PCDHGB7: variants seen among roughly 807,000 people sequenced by gnomAD.
PCDHGB7 encodes the protein protocadherin gamma subfamily B, 7.
In PCDHGB7, 37 loss-of-function variants were observed where a neutral mutation model predicts 61.4. That is an observed-to-expected ratio of 0.60 (90% CI 0.46 to 0.79). PCDHGB7 has a LOEUF of 0.79. PCDHGB7 is among the 30% of genes least tolerant of loss of function. PCDHGB7 has a pLI of 0.00. For missense variants in PCDHGB7, 1,166 were observed against 1,202.5 expected (o/e 0.97, Z 0.45); for synonymous variants, 464 against 503.5 (o/e 0.92, Z 1.05).
chr5:141,487,577 C>A lies in PCDHGB7; in HGVS notation c.2416-7230C>A. 1.2e-6 allele frequency: 2 copies of A among 1,614,150 alleles called. No individual in the cohort carries two copies. Among genetic ancestry groups the A allele is most frequent in the Non-Finnish European group, 1.7e-6 (2 of 1,180,024 alleles). ...ACCTATGGCAGGGGAGCCTGTTCGC[C>A]CAAGCTGCCCACCCTCTGATCTTCT... On this transcript the variant is annotated intron_variant, in intron 1 of 3. Coordinates refer to ENST00000398594, the MANE Select transcript of PCDHGB7 (RefSeq NM_018927.4). The surrounding 1 kb of genome is among the most constrained non-coding windows in gnomAD (Gnocchi z 5.0).
chr5:141,456,554 G>A (rs1003323522), intron 1 of PCDHGB7, among the ~76,000 whole-genome samples: 2 of 152,202 alleles, frequency 1.3e-5, no homozygotes, highest in Non-Finnish European at 2.9e-5. Flanking sequence ...GCCACTCGGG[G>A]CTGAAGCCCA....
At chr5:141,463,335 A>G (rs565781645) in intron 1 of PCDHGB7, among the ~76,000 whole-genome samples, 3 of 149,628 alleles carry the variant, frequency 2.0e-5, no homozygotes, top group South Asian at 2.1e-4. Context: ...CAGCAAAACC[A>G]TGGTGTTATT....
intron 3 of PCDHGB7, 137 bp from the exon 4 acceptor site, chr5:141,510,810 A>T: frequency 6.6e-7 from 1 of 1,519,768 alleles, no homozygotes; most frequent in African/African-American, 1.4e-5. Context: ...TACCTTGGTG[A>T]CCCCTATATT....
At position 141,469,759 on chromosome 5, in the gene PCDHGB7, T is replaced by C. The variant is rs192437401; in HGVS notation, c.2416-25048T>C. On this transcript the variant is annotated intron_variant, in intron 1 of 3. Coordinates refer to ENST00000398594, the MANE Select transcript of PCDHGB7 (RefSeq NM_018927.4). ...ACCTCAAAAATTACAAAAATACATATATACCAGCTTATTTATTACAGCGTT... is the reference window on the plus strand; with the variant it reads ...ACCTCAAAAATTACAAAAATACATACATACCAGCTTATTTATTACAGCGTT... 3.9e-3 allele frequency among the ~76,000 whole-genome samples: 591 copies of C among 152,310 alleles called. 6 individuals are homozygous for C. Among genetic ancestry groups the C allele is most frequent in the Admixed American group, 0.011 (171 of 15,298 alleles).
intron 2 of PCDHGB7, among the ~76,000 whole-genome samples, chr5:141,496,008 C>CT (rs1468405718): frequency 2.0e-5 from 3 of 151,956 alleles, no homozygotes; most frequent in Non-Finnish European, 4.4e-5. Flanking sequence ...TTTATCTTGT[C>CT]TTTTTTCTCT....
chr5:141,434,517 G>A (rs1476955199), intron 1 of PCDHGB7, among the ~76,000 whole-genome samples: 1 of 152,212 alleles, frequency 6.6e-6, no homozygotes, highest in East Asian at 1.9e-4. Context: ...GCTTAAAGGT[G>A]TTCTTAAACC....
chr5:141,494,491 T>C (rs2099754727), intron 1 of PCDHGB7, among the ~76,000 whole-genome samples: 1 of 152,150 alleles, frequency 6.6e-6, no homozygotes, highest in Admixed American at 6.5e-5. Context: ...AGAAGATGCC[T>C]TCAGTCCTTG....
Position 141,476,570 on chromosome 5 carries a change from A to G in PCDHGB7, c.2416-18237A>G. ...GATTAGCGAGGCCGTGGCTCCGGGG[A>G]CGCGCTTTCCGCTCGAGAGCGCGCA... On this transcript the variant is annotated intron_variant, in intron 1 of 3. Transcript: ENST00000398594. The surrounding 1 kb of genome is among the most constrained non-coding windows in gnomAD (Gnocchi z 7.6). 3 of 1,614,114 alleles carry G rather than the reference A, an allele frequency of 1.9e-6. No individual in the cohort carries two copies. The highest frequency in any genetic ancestry group is 2.5e-6 in the Non-Finnish European group (3 of 1,180,012).
At chr5:141,426,810 C>T (rs769435523) in intron 1 of PCDHGB7, 4 of 456,568 alleles carry the variant, frequency 8.8e-6, no homozygotes, top group Non-Finnish European at 1.8e-5. Flanking sequence ...TTCTAATGAA[C>T]ATTTCTCTCT....
Position 141,422,132 on chromosome 5 carries a change from T to C in PCDHGB7, c.2415+1858T>C, listed in dbSNP as rs768931697. ...CAATTGGATTCACAAACTGGAGAAG[T>C]TCAAGTACGGGGGTCTCTGGATTTT... On this transcript the variant is annotated intron_variant, in intron 1 of 3. Coordinates refer to ENST00000398594, the MANE Select transcript of PCDHGB7 (RefSeq NM_018927.4). The C allele has an allele frequency of 1.2e-5, 19 of 1,598,396 alleles. No individual in the cohort carries two copies. In the South Asian group the frequency reaches 2.0e-4, roughly 17 times the overall value.
chr5:141,444,565 C>G (rs2098441175), intron 1 of PCDHGB7, among the ~76,000 whole-genome samples: 1 of 152,124 alleles, frequency 6.6e-6, no homozygotes, highest in Non-Finnish European at 1.5e-5. Flanking sequence ...TTATTTGACA[C>G]TTTTGACTCT....
intron 1 of PCDHGB7, chr5:141,427,870 C>A (rs773176633): frequency 3.2e-6 from 5 of 1,558,750 alleles, no homozygotes; most frequent in Non-Finnish European, 4.4e-6. Context: ...TTCGAGCTCA[C>A]GATGCAGGCC....
intron 3 of PCDHGB7, among the ~76,000 whole-genome samples, chr5:141,510,624 A>C (rs2099881973): frequency 6.6e-6 from 1 of 152,164 alleles, no homozygotes; most frequent in African/African-American, 2.4e-5. Flanking sequence ...TAAAACCAGA[A>C]GAGGTGGTTA....
At position 141,421,915 on chromosome 5, in the gene PCDHGB7, C is replaced by T. The variant is rs751221129; in HGVS notation, c.2415+1641C>T. ...CATCCGAAAGGGCGCAGTTCCCATT[C>T]GTGTGGTGGTCCTCGATGTAAATGA... is the stretch of plus-strand genomic sequence containing the variant. On this transcript the variant is annotated intron_variant, in intron 1 of 3. Transcript: ENST00000398594. 18 of 1,613,504 alleles carry T rather than the reference C, an allele frequency of 1.1e-5. No individual in the cohort carries two copies. The South Asian group carries it at 1.5e-4, about 14-fold the overall frequency.
In PCDHGB7 at chr5:141,487,087, C is replaced by G. The variant is rs752261507; in HGVS notation, c.2416-7720C>G. 1.2e-6 allele frequency: 2 copies of G among 1,613,890 alleles called. No homozygotes were observed. Among genetic ancestry groups the G allele is most frequent in the Non-Finnish European group, 1.7e-6 (2 of 1,179,804 alleles). ...CGGCTGTTCCTATCCCAGCTGACCT[C>G]CCACCACAGAAGCTGGTCATTGTGG... On this transcript the variant is annotated intron_variant, in intron 1 of 3. Transcript: ENST00000398594. The surrounding 1 kb of genome is among the most constrained non-coding windows in gnomAD (Gnocchi z 5.0).
At chr5:141,481,919 A>C (rs1488201177) in intron 1 of PCDHGB7, among the ~76,000 whole-genome samples, 1 of 151,214 alleles carries the variant, frequency 6.6e-6, no homozygotes, top group Non-Finnish European at 1.5e-5. Context: ...ATCTCAAAAA[A>C]AAAAAAAAAA....
At position 141,501,290 on chromosome 5, in the gene PCDHGB7, TACACACACACAC is replaced by T. The variant is rs55762287; in HGVS notation, c.2475-4070_2475-4059del. Among the ~76,000 whole-genome samples, 15 of 136,248 alleles carry T rather than the reference TACACACACACAC, an allele frequency of 1.1e-4. No homozygotes were observed. The South Asian group carries it at 1.2e-3, about 11-fold the overall frequency. The allele number at this position is 136,248 out of a possible 152,430, so 89.4% of individuals were successfully genotyped here. A position where few individuals can be genotyped will look rare whatever the true frequency, so the allele number is the denominator to read the frequency against. ...GTCCAGTCTATGGGATATTCCCTTA[TACACACACACAC>T]ACACACACACACACACACACACACA... On this transcript the variant is annotated intron_variant, in intron 2 of 3. Transcript: ENST00000398594.
At chr5:141,422,458 C>T (rs375149811) in intron 1 of PCDHGB7, 264 of 1,613,148 alleles carry the variant, frequency 1.6e-4, no homozygotes, top group Non-Finnish European at 2.1e-4. Context: ...AAGCAGAGTG[C>T]TGGACAGGGA....
At chr5:141,480,198 G>A (rs1280951298) in intron 1 of PCDHGB7, among the ~76,000 whole-genome samples, 2 of 150,780 alleles carry the variant, frequency 1.3e-5, no homozygotes, top group African/African-American at 4.9e-5. Flanking sequence ...GAGGCCAGCA[G>A]TTCAAGACCA....
Sources: allele counts gnomAD v4.1 joint callset (sites outside exome capture counted in the v4.1 genomes callset), GRCh38; gene constraint gnomAD v4.1.1; non-coding constraint Gnocchi (gnomAD v3.1); transcripts MANE v1.5; gene names NCBI Gene and HGNC (gene_info 2026-07-23, HGNC 2026-07-21).